SLC8A3: variants seen among roughly 807,000 people sequenced by gnomAD.
The protein encoded by SLC8A3 is solute carrier family 8 member A3.
SLC8A3 carries 37 observed loss-of-function variants against 65.4 expected under a neutral mutation model. The observed-to-expected ratio is 0.57, with a 90% CI of 0.44 to 0.74. SLC8A3 has a LOEUF of 0.74. Among genes scored for constraint, SLC8A3 ranks in the 30% least tolerant of loss-of-function variants. The pLI is 0.00. For missense variants in SLC8A3, 1,112 were observed against 1,172.1 expected (o/e 0.95, Z 0.75); for synonymous variants, 461 against 444.5 (o/e 1.04, Z -0.47).
intron 2 of SLC8A3, among the ~76,000 whole-genome samples, chr14:70,104,749 A>T (rs777317051): frequency 6.6e-6 from 1 of 152,230 alleles, no homozygotes; most frequent in Admixed American, 6.5e-5. Context: ...AATATATTGA[A>T]TAAAAGACAA....
chr14:70,114,734 A>G (rs751987525), intron 2 of SLC8A3, among the ~76,000 whole-genome samples: 1 of 152,138 alleles, frequency 6.6e-6, no homozygotes, highest in Non-Finnish European at 1.5e-5. Flanking sequence ...GCAAGACCCA[A>G]ATGAGTTTAC....
intron 2 of SLC8A3, among the ~76,000 whole-genome samples, chr14:70,122,544 T>C (rs1894145186): frequency 6.6e-6 from 1 of 152,176 alleles, no homozygotes. Context: ...CTCTGTACGA[T>C]GGGTAGTAAT....
At chr14:70,054,167 A>G (rs1395595911) in intron 3 of SLC8A3, among the ~76,000 whole-genome samples, 2 of 151,636 alleles carry the variant, frequency 1.3e-5, no homozygotes, top group Non-Finnish European at 2.9e-5. Flanking sequence ...AAGGACAAAG[A>G]GCTTGCCAGG....
intron 6 of SLC8A3, chr14:70,048,176 A>G (rs1338465139): frequency 1.2e-5 from 2 of 165,540 alleles, no homozygotes; most frequent in Non-Finnish European, 2.6e-5. Flanking sequence ...ATAAAAAGAT[A>G]AAAGCTGTGG....
At chr14:70,179,399 G>A (rs889154017) in intron 1 of SLC8A3, among the ~76,000 whole-genome samples, 12 of 152,198 alleles carry the variant, frequency 7.9e-5, no homozygotes, top group African/African-American at 2.7e-4. Flanking sequence ...AGTATTCCCA[G>A]TGCCTTGGCT....
intron 2 of SLC8A3, among the ~76,000 whole-genome samples, chr14:70,153,333 G>A (rs573732790): frequency 1.3e-5 from 2 of 152,176 alleles, no homozygotes; most frequent in Non-Finnish European, 2.9e-5. Flanking sequence ...TAAGGACACA[G>A]CTTGCATGGG....
intron 2 of SLC8A3, among the ~76,000 whole-genome samples, chr14:70,081,699 A>G (rs1242968302): frequency 6.6e-6 from 1 of 152,172 alleles, no homozygotes; most frequent in African/African-American, 2.4e-5. Flanking sequence ...TGGATTCAAG[A>G]GCACAGGAGG....
intron 2 of SLC8A3, among the ~76,000 whole-genome samples, chr14:70,123,610 C>T (rs370614958): frequency 6.6e-5 from 10 of 151,926 alleles, no homozygotes; most frequent in East Asian, 1.9e-4. Flanking sequence ...TCACCACACC[C>T]GGCTAATTTT....
intron 2 of SLC8A3, among the ~76,000 whole-genome samples, chr14:70,097,964 T>C (rs1400361702): frequency 2.0e-5 from 3 of 152,220 alleles, no homozygotes; most frequent in South Asian, 2.1e-4. Flanking sequence ...AATGTGTTAG[T>C]GTTGTCCTCT....
intron 2 of SLC8A3, among the ~76,000 whole-genome samples, chr14:70,085,513 C>T (rs1334319653): frequency 2.6e-5 from 4 of 152,156 alleles, no homozygotes; most frequent in Non-Finnish European, 5.9e-5. Flanking sequence ...GACCCACCTC[C>T]CCGCCTGCAA....
In SLC8A3 at chr14:70,182,763, A is replaced by G. The variant is rs190019194; in HGVS notation, c.-63+5616T>C. ...ATGGGGAAAGAGTATAATGGGGAAA[A>G]GGAATTAGAGAAGTGATATTCTTTT... On this transcript the variant is annotated intron_variant, in intron 1 of 6. Coordinates refer to ENST00000356921, the MANE Select transcript of SLC8A3 (RefSeq NM_182932.3). Among the ~76,000 whole-genome samples the G allele has an allele frequency of 1.6e-3, 240 of 152,150 alleles. 1 individual carries two copies. The highest frequency in any genetic ancestry group is 5.6e-3 in the African/African-American group (233 of 41,532).
chr14:70,067,945 G>T (rs996004436), intron 2 of SLC8A3, among the ~76,000 whole-genome samples: 12 of 152,208 alleles, frequency 7.9e-5, no homozygotes, highest in Non-Finnish European at 1.2e-4. Flanking sequence ...GCTGTCAGAG[G>T]CTCCAGGACC....
chr14:70,110,242 T>G (rs1488370299), intron 2 of SLC8A3, among the ~76,000 whole-genome samples: 3 of 152,202 alleles, frequency 2.0e-5, no homozygotes, highest in African/African-American at 4.8e-5. Context: ...TACGTTATTA[T>G]TTACTATAGT....
chr14:70,144,319 T>G (rs1257109207), intron 2 of SLC8A3, among the ~76,000 whole-genome samples: 121 of 142,434 alleles, frequency 8.5e-4, no homozygotes, highest in African/African-American at 2.8e-3. Context: ...TTTTTTTTTT[T>G]TTTTTTTTTT....
intron 1 of SLC8A3, among the ~76,000 whole-genome samples, chr14:70,183,330 C>T (rs1882917235): frequency 6.6e-6 from 1 of 152,152 alleles, no homozygotes; most frequent in Non-Finnish European, 1.5e-5. Context: ...AGCTTTTATT[C>T]ACTCACCATA....
rs548930455 is a variant in SLC8A3 at position 70,143,997 on chromosome 14, C to A, written c.1784+22642G>T. ...GTTCCCACAAAACCGTGGCCATGGC[C>A]TCGGACAGTACTGATCTCATGGCTT... On this transcript the variant is annotated intron_variant, in intron 2 of 6. Transcript: ENST00000356921. Among the ~76,000 whole-genome samples, 3 of 152,254 alleles carry A rather than the reference C, an allele frequency of 2.0e-5. No individual in the cohort carries two copies. In the East Asian group the frequency reaches 5.8e-4, roughly 29 times the overall value.
chr14:70,130,837 A>G (rs1034905196), intron 2 of SLC8A3, among the ~76,000 whole-genome samples: 1 of 152,230 alleles, frequency 6.6e-6, no homozygotes, highest in East Asian at 1.9e-4. Flanking sequence ...TGTAGTCTAG[A>G]CTTAGAGTAA....
Position 70,119,098 on chromosome 14 carries a change from T to C in SLC8A3, c.1784+47541A>G, listed in dbSNP as rs114522151. Among the ~76,000 whole-genome samples, 1,467 of 152,222 alleles carry C rather than the reference T, an allele frequency of 9.6e-3. 24 individuals carry two copies. Among genetic ancestry groups the C allele is most frequent in the African/African-American group, 0.033 (1,371 of 41,504 alleles). On this transcript the variant is annotated intron_variant, in intron 2 of 6. Transcript: ENST00000356921. ...CTTTACTCTTTCATTTAAGTGCAAG[T>C]AGTTTTTTGAGGGGGATTGGGGGAA...
chr14:70,080,906 T>A (rs568299162), intron 2 of SLC8A3, among the ~76,000 whole-genome samples: 2 of 152,146 alleles, frequency 1.3e-5, no homozygotes. Flanking sequence ...TATCTTTACA[T>A]GAGGAAATGA....
Sources: gnomAD v4.1 joint callset for allele counts (sites outside exome capture counted in the v4.1 genomes callset) on GRCh38, gnomAD v4.1.1 for gene constraint, MANE v1.5 for transcripts, NCBI Gene and HGNC (gene_info 2026-07-23, HGNC 2026-07-21) for gene names.